LRRC37A2: variants seen among roughly 807,000 people sequenced by gnomAD.
LRRC37A2 encodes the protein leucine rich repeat containing 37 member A2, also known as leucine-rich repeat-containing protein 37A2.
A neutral mutation model predicts 68.8 loss-of-function variants in LRRC37A2; 9 were observed. The observed-to-expected ratio is 0.13, with a 90% CI of 0.08 to 0.23. The LOEUF (loss-of-function observed/expected upper bound fraction) is 0.23, where lower values mean the gene tolerates loss of function less well. LRRC37A2 is among the 10% of genes least tolerant of loss of function. LRRC37A2 has a pLI of 1.00. For missense variants in LRRC37A2, 168 were observed against 950.4 expected, an observed-to-expected ratio of 0.18 and a Z score of 10.82; for synonymous variants, 63 against 367.6, an observed-to-expected ratio of 0.17 and a Z score of 9.48.
At chr17:46,949,871 TG>T in the LRRC37A2 span, among the ~76,000 whole-genome samples, 1 of 152,104 alleles carries the variant, frequency 6.6e-6, no homozygotes, top group South Asian at 2.1e-4. Context: ...AGGTTCAGTG[TG>T]GAGGAGGGAA....
the LRRC37A2 span, among the ~76,000 whole-genome samples, chr17:47,012,005 C>T: frequency 5.9e-5 from 9 of 152,114 alleles, no homozygotes; most frequent in Non-Finnish European, 1.2e-4. Flanking sequence ...TGGGGAGACC[C>T]TATAAGATCG....
chr17:46,807,689 T>G, the LRRC37A2 span, among the ~76,000 whole-genome samples: 2 of 152,204 alleles, frequency 1.3e-5, no homozygotes, highest in East Asian at 3.9e-4. Flanking sequence ...GAGGATCCAT[T>G]ATGCCCAGGC....
chr17:46,910,538 G>C, the LRRC37A2 span, among the ~76,000 whole-genome samples: 1 of 152,320 alleles, frequency 6.6e-6, no homozygotes, highest in African/African-American at 2.4e-5. Context: ...GCTTGGAGTA[G>C]TTGAGCAGAT....
At chr17:46,905,414 T>C in the LRRC37A2 span, among the ~76,000 whole-genome samples, 1,240 of 152,272 alleles carry the variant, frequency 8.1e-3, 16 homozygotes, top group African/African-American at 0.029. Flanking sequence ...ACAGAATTTG[T>C]AGTTCCCTTT....
the LRRC37A2 span, among the ~76,000 whole-genome samples, chr17:46,736,803 A>G: frequency 2.0e-5 from 3 of 152,188 alleles, no homozygotes; most frequent in South Asian, 2.1e-4. Flanking sequence ...TTAAGATTTA[A>G]TTGAATATCT....
the LRRC37A2 span, among the ~76,000 whole-genome samples, chr17:46,878,843 G>T: frequency 6.6e-6 from 1 of 152,254 alleles, no homozygotes; most frequent in Non-Finnish European, 1.5e-5. Context: ...CTAGGCAGTG[G>T]CTGGCTGCTA....
chr17:46,911,779 G>C, the LRRC37A2 span, among the ~76,000 whole-genome samples: 1 of 152,200 alleles, frequency 6.6e-6, no homozygotes, highest in Non-Finnish European at 1.5e-5. Context: ...AGCTACTCAG[G>C]AGGCTGAGGC....
the LRRC37A2 span, among the ~76,000 whole-genome samples, chr17:47,048,413 T>C: frequency 6.8e-6 from 1 of 147,152 alleles, no homozygotes; most frequent in African/African-American, 2.5e-5. Context: ...CAAAAGTTGC[T>C]TTTTCCCTTC....
At chr17:46,846,660 C>G in the LRRC37A2 span, among the ~76,000 whole-genome samples, 1 of 152,342 alleles carries the variant, frequency 6.6e-6, no homozygotes, top group Non-Finnish European at 1.5e-5. Context: ...ATTCAGCCTG[C>G]CTTGGCTGAA....
the LRRC37A2 span, chr17:46,963,574 T>C: frequency 1.3e-5 from 2 of 150,884 alleles, no homozygotes; most frequent in Non-Finnish European, 2.9e-5. Flanking sequence ...GCAGATGATA[T>C]AGTTGGAGAT....
At chr17:46,951,705 CAA>C in the LRRC37A2 span, among the ~76,000 whole-genome samples, 1 of 152,172 alleles carries the variant, frequency 6.6e-6, no homozygotes, top group African/African-American at 2.4e-5. Context: ...AGGGTTGCCC[CAA>C]AGTCAGATAG....
chr17:46,815,841 C>T, the LRRC37A2 span, among the ~76,000 whole-genome samples: 1 of 152,140 alleles, frequency 6.6e-6, no homozygotes, highest in Non-Finnish European at 1.5e-5. Flanking sequence ...CCCTCCAGGC[C>T]CATGGCTGCC....
the LRRC37A2 span, among the ~76,000 whole-genome samples, chr17:47,016,013 C>T: frequency 2.6e-5 from 4 of 152,238 alleles, no homozygotes; most frequent in Admixed American, 6.5e-5. Flanking sequence ...GTTGCGATCT[C>T]GGCTCACTGC....
At chr17:46,906,931 T>C in the LRRC37A2 span, among the ~76,000 whole-genome samples, 2 of 152,154 alleles carry the variant, frequency 1.3e-5, no homozygotes. Context: ...ACTAACCAGG[T>C]ACTCTCAAAT....
the LRRC37A2 span, chr17:46,938,848 T>C: frequency 1.9e-6 from 3 of 1,596,752 alleles, no homozygotes; most frequent in Non-Finnish European, 2.6e-6. Context: ...AGAGGCCGCC[T>C]TTTGAAATGT....
At chr17:47,033,400 G>C in the LRRC37A2 span, 1 of 695,612 alleles carries the variant, frequency 1.4e-6, no homozygotes, top group South Asian at 1.5e-5. Flanking sequence ...GTGAATAAAG[G>C]AAAGAGGTTA....
At chr17:46,976,801 G>A in the LRRC37A2 span, among the ~76,000 whole-genome samples, 1 of 152,192 alleles carries the variant, frequency 6.6e-6, no homozygotes, top group African/African-American at 2.4e-5. Flanking sequence ...CCAGACTCCA[G>A]ATAACTGCAC....
At chr17:46,981,922 G>A in the LRRC37A2 span, among the ~76,000 whole-genome samples, 2 of 151,990 alleles carry the variant, frequency 1.3e-5, no homozygotes, top group Non-Finnish European at 2.9e-5. Context: ...GGATGGTCTC[G>A]AACTCCTGGG....
chr17:46,849,481 G>T, the LRRC37A2 span, among the ~76,000 whole-genome samples: 90 of 152,286 alleles, frequency 5.9e-4, no homozygotes, highest in African/African-American at 1.8e-3. Context: ...GGGTCTGTCT[G>T]CCACCCCAGT....
Sources: allele counts gnomAD v4.1 joint callset (sites outside exome capture counted in the v4.1 genomes callset), GRCh38; gene constraint gnomAD v4.1.1; transcripts MANE v1.5; gene names NCBI Gene and HGNC (gene_info 2026-07-23, HGNC 2026-07-21).